The following KIDINS220 variants were observed in gnomAD, a reference collection of about 807,000 sequenced individuals.
KIDINS220 encodes the protein kinase D interacting substrate 220.
A neutral mutation model predicts 157.6 loss-of-function variants in KIDINS220; 63 were observed. The observed-to-expected ratio is 0.40, with a 90% CI of 0.33 to 0.49. KIDINS220 has a LOEUF of 0.49. KIDINS220 is among the 20% of genes least tolerant of loss of function. The probability of loss-of-function intolerance (pLI) is 0.66; values close to 1 mark genes in which losing one functional copy is unlikely to be tolerated. For missense variants in KIDINS220, 1,772 were observed against 2,171.2 expected, an observed-to-expected ratio of 0.82 and a Z score of 3.65; for synonymous variants, 732 against 783.6, an observed-to-expected ratio of 0.93 and a Z score of 1.10.
At chr2:8,797,400 G>A (rs1195788998) in intron 10 of KIDINS220, among the ~76,000 whole-genome samples, 1 of 152,188 alleles carries the variant, frequency 6.6e-6, no homozygotes, top group Non-Finnish European at 1.5e-5. Context: ...ATTCAGCACT[G>A]AGTTAGACAA....
chr2:8,831,138 A>C (rs2148452258), intron 1 of KIDINS220, among the ~76,000 whole-genome samples: 1 of 152,336 alleles, frequency 6.6e-6, no homozygotes, highest in Middle Eastern at 3.4e-3. Context: ...ACGCCTTCTA[A>C]GGCTTTTAAA....
chr2:8,793,533 T>G (rs1673490007), intron 12 of KIDINS220, among the ~76,000 whole-genome samples: 1 of 152,104 alleles, frequency 6.6e-6, no homozygotes, highest in South Asian at 2.1e-4. Flanking sequence ...TCCATCTCCC[T>G]GGCTCAAGAG....
chr2:8,783,578 A>C (rs1671990706), intron 17 of KIDINS220, among the ~76,000 whole-genome samples: 1 of 152,064 alleles, frequency 6.6e-6, no homozygotes, highest in Non-Finnish European at 1.5e-5. Flanking sequence ...ATGTAGAAAA[A>C]CCGAAAGAAC....
In KIDINS220 at chr2:8,818,802, T is replaced by C. The variant is rs759795504; in HGVS notation, c.109-9A>G. ...AGTGGAGTCTGGCCACACTAGAGAA[T>C]ATAAAAGACAAAGGGAACTTATCAA... On this transcript the variant is annotated splice_polypyrimidine_tract_variant and intron_variant, in intron 2 of 29. Coordinates refer to ENST00000256707, the MANE Select transcript of KIDINS220 (RefSeq NM_020738.4). 28 of 1,531,152 alleles carry C rather than the reference T, an allele frequency of 1.8e-5. No individual in the cohort carries two copies. In the South Asian group the frequency reaches 3.3e-4, roughly 18 times the overall value. The allele number at this position is 1,531,152 out of a possible 1,614,324, so 94.8% of individuals were successfully genotyped here. A position where few individuals can be genotyped will look rare whatever the true frequency, so the allele number is the denominator to read the frequency against.
At chr2:8,787,084 C>T (rs1232229513) in intron 15 of KIDINS220, among the ~76,000 whole-genome samples, 1 of 151,440 alleles carries the variant, frequency 6.6e-6, no homozygotes, top group African/African-American at 2.4e-5. Flanking sequence ...CTTGACGATG[C>T]TACTTTAATT....
chr2:8,790,097 TG>T, intron 13 of KIDINS220, 38 bp from the exon 14 acceptor site: 1 of 1,547,806 alleles, frequency 6.5e-7, no homozygotes. Flanking sequence ...ATTCCTGTTT[TG>T]TTTAAGAAAT....
intron 24 of KIDINS220, among the ~76,000 whole-genome samples, chr2:8,748,829 A>C (rs1666923157): frequency 6.6e-6 from 1 of 152,220 alleles, no homozygotes; most frequent in South Asian, 2.1e-4. Context: ...AAAATGATAA[A>C]ATACTATTAA....
chr2:8,726,399 G>C (rs1002206310), downstream of KIDINS220, among the ~76,000 whole-genome samples: 2 of 152,228 alleles, frequency 1.3e-5, no homozygotes, highest in African/African-American at 4.8e-5. Context: ...AAAAGGTTTT[G>C]ACCAGGTCGG....
chr2:8,808,414 C>T (rs1242259469), intron 6 of KIDINS220, among the ~76,000 whole-genome samples: 2 of 152,210 alleles, frequency 1.3e-5, no homozygotes, highest in Non-Finnish European at 2.9e-5. Context: ...CCTTCTGATG[C>T]AACTGAACTA....
At chr2:8,747,285 T>C (rs762115771) in intron 25 of KIDINS220, 84 bp from the exon 26 acceptor site, 13 of 1,159,666 alleles carry the variant, frequency 1.1e-5, no homozygotes, top group Non-Finnish European at 1.7e-5. Flanking sequence ...GATGGTAAAA[T>C]AATATACAAC....
At chr2:8,751,998 C>T (rs1332782442) in intron 22 of KIDINS220, among the ~76,000 whole-genome samples, 1 of 152,084 alleles carries the variant, frequency 6.6e-6, no homozygotes, top group African/African-American at 2.4e-5. Context: ...AGCCATCATG[C>T]CCAGCCAAAA....
At chr2:8,821,884 T>C (rs913266856) in intron 2 of KIDINS220, among the ~76,000 whole-genome samples, 3 of 152,156 alleles carry the variant, frequency 2.0e-5, no homozygotes, top group African/African-American at 7.2e-5. Flanking sequence ...AGAGATAGAG[T>C]AACTTATGTC....
chr2:8,790,085 T>TTATTCCTG (rs772282481), intron 13 of KIDINS220, 26 bp from the exon 14 acceptor site: 28 of 1,561,750 alleles, frequency 1.8e-5, no homozygotes, highest in Non-Finnish European at 2.1e-5. Flanking sequence ...ATACGAAACC[T>TTATTCCTG]TATTCCTGTT....
intron 3 of KIDINS220, 97 bp downstream of exon 3, chr2:8,818,597 TA>T: frequency 1.5e-6 from 1 of 675,888 alleles, no homozygotes; most frequent in Non-Finnish European, 2.5e-6. Context: ...GAAATATATG[TA>T]AAAGTTTTAA....
At chr2:8,790,912 G>A in intron 13 of KIDINS220, 148 bp downstream of exon 13, 1 of 573,142 alleles carries the variant, frequency 1.7e-6, no homozygotes, top group Non-Finnish European at 2.9e-6. Context: ...AAATGACCGT[G>A]TGAAGGACCA....
chr2:8,789,991 G>A lies in KIDINS220; in HGVS notation c.1510C>T (p.Leu504Phe). 3.1e-6 allele frequency: 5 copies of A among 1,613,666 alleles called. No individual in the cohort carries two copies. Among genetic ancestry groups the A allele is most frequent in the Non-Finnish European group, 4.2e-6 (5 of 1,179,880 alleles). Residue 504 changes from leucine (L) to phenylalanine (F), a missense_variant, in exon 14 of 30, where the codon CTT becomes TTT. Physicochemically the swap from Leu to Phe is conservative, Grantham distance 22. Coordinates refer to ENST00000256707, the MANE Select transcript of KIDINS220 (RefSeq NM_020738.4). ...LFQFSWLIVF[L>F]TLLLCGGLGL... ...AGCCCTCCACAAAGTAGCAGGGTAA[G>A]AAACACTATGAGCCATGAGAACTGA...
chr2:8,743,046 C>T (rs539537349), intron 26 of KIDINS220, among the ~76,000 whole-genome samples: 85 of 152,192 alleles, frequency 5.6e-4, no homozygotes, highest in African/African-American at 2.0e-3. Flanking sequence ...AGACACAGGG[C>T]CTCAATACTA....
chr2:8,811,903 G>A (rs1448191151), intron 6 of KIDINS220, among the ~76,000 whole-genome samples: 1 of 152,126 alleles, frequency 6.6e-6, no homozygotes, highest in Non-Finnish European at 1.5e-5. Context: ...CCTGGACCGT[G>A]GGTCATTCAG....
intron 26 of KIDINS220, among the ~76,000 whole-genome samples, chr2:8,741,264 T>C (rs959290681): frequency 2.6e-5 from 4 of 152,168 alleles, no homozygotes; most frequent in African/African-American, 4.8e-5. Flanking sequence ...TTAAGAGCAA[T>C]CTTTTAAAAA....
Sources: allele counts gnomAD v4.1 joint callset (sites outside exome capture counted in the v4.1 genomes callset), GRCh38; gene constraint gnomAD v4.1.1; transcripts MANE v1.5; gene names NCBI Gene and HGNC (gene_info 2026-07-23, HGNC 2026-07-21).